The following MYLK4 variants were observed in gnomAD, a reference collection of about 807,000 sequenced individuals.
MYLK4 encodes caMLCK like.
A neutral mutation model predicts 48.1 loss-of-function variants in MYLK4; 46 were observed. The observed-to-expected ratio is 0.96, with a 90% CI of 0.75 to 1.22. MYLK4 has a LOEUF of 1.22. Among genes scored for constraint, MYLK4 ranks in the 50% most tolerant of loss-of-function variants. MYLK4 has a pLI of 0.00. For missense variants in MYLK4, 451 were observed against 486.1 expected (o/e 0.93, Z 0.68); for synonymous variants, 170 against 180.8 (o/e 0.94, Z 0.48).
At chr6:2,736,076 C>A (rs952562065) in intron 2 of MYLK4, among the ~76,000 whole-genome samples, 29 of 152,098 alleles carry the variant, frequency 1.9e-4, no homozygotes, top group African/African-American at 7.0e-4. Context: ...AACCAGCACG[C>A]CCCAAAGCAC....
At chr6:2,764,767 G>T in the MYLK4 span, among the ~76,000 whole-genome samples, 4 of 152,152 alleles carry the variant, frequency 2.6e-5, no homozygotes, top group Non-Finnish European at 5.9e-5. Context: ...GGCTCGAAGC[G>T]CGCTGTAGGT....
At chr6:2,750,221 G>T (rs1480276686) in intron 1 of MYLK4, among the ~76,000 whole-genome samples, 1 of 152,072 alleles carries the variant, frequency 6.6e-6, no homozygotes, top group Non-Finnish European at 1.5e-5. Flanking sequence ...CATTTTCTCC[G>T]CTTAAAAACC....
intron 2 of MYLK4, among the ~76,000 whole-genome samples, chr6:2,695,056 T>G (rs965256265): frequency 1.8e-4 from 28 of 152,158 alleles, no homozygotes; most frequent in African/African-American, 6.8e-4. Flanking sequence ...AGATAAATAT[T>G]TGTCGAAAGA....
chr6:2,676,414 A>G (rs1761085887), intron 10 of MYLK4, among the ~76,000 whole-genome samples: 1 of 152,208 alleles, frequency 6.6e-6, no homozygotes, highest in African/African-American at 2.4e-5. Context: ...AATTTTCAGT[A>G]CTGGATCTCC....
At chr6:2,722,871 A>C (rs1027951255) in intron 2 of MYLK4, among the ~76,000 whole-genome samples, 6 of 152,150 alleles carry the variant, frequency 3.9e-5, no homozygotes, top group African/African-American at 1.4e-4. Flanking sequence ...TCCTATATAT[A>C]ATGTTTTAAT....
chr6:2,685,180 G>T lies in MYLK4; in HGVS notation c.545+116C>A. On this transcript the variant is annotated intron_variant, in intron 6 of 12. Coordinates refer to ENST00000274643, the MANE Select transcript of MYLK4 (RefSeq NM_001012418.5). The surrounding 1 kb of genome is among the most constrained non-coding windows in gnomAD (Gnocchi z 4.5). ...GATTGTGTGATCCGCGCGAATCAGA[G>T]TCTGCGGGGGCGAGCTTGGTTCTGG... 1.4e-6 allele frequency: 1 copy of T among 726,270 alleles called. No individual in the cohort carries two copies. Among genetic ancestry groups the T allele is most frequent in the Non-Finnish European group, 2.5e-6 (1 of 401,280 alleles). The allele number at this position is 726,270 out of a possible 1,614,324, so 45.0% of individuals were successfully genotyped here. A position where few individuals can be genotyped will look rare whatever the true frequency, so the allele number is the denominator to read the frequency against.
At chr6:2,702,650 A>T (rs1009211806) in intron 2 of MYLK4, among the ~76,000 whole-genome samples, 3 of 152,222 alleles carry the variant, frequency 2.0e-5, no homozygotes, top group African/African-American at 7.2e-5. Flanking sequence ...GATTTTTAAC[A>T]TCCTCACCAC....
At chr6:2,765,193 C>CCT in the MYLK4 span, among the ~76,000 whole-genome samples, 3 of 84,296 alleles carry the variant, frequency 3.6e-5, no homozygotes, top group Non-Finnish European at 5.5e-5. Flanking sequence ...CCCCCCCCCC[C>CCT]GCCCCTCCCC....
chr6:2,766,134 ACGGCGATGGC>A, the MYLK4 span: 1 of 1,240,568 alleles, frequency 8.1e-7, no homozygotes. Context: ...GCCGTGGGCG[ACGGCGATGGC>A]GACGGGGACG....
At chr6:2,716,021 A>T (rs970399279) in intron 2 of MYLK4, among the ~76,000 whole-genome samples, 6 of 151,826 alleles carry the variant, frequency 4.0e-5, no homozygotes, top group African/African-American at 1.5e-4. Context: ...TCTGCTGCCT[A>T]TTTTTTTTTT....
chr6:2,765,186 C>T, the MYLK4 span, among the ~76,000 whole-genome samples: 4 of 102,360 alleles, frequency 3.9e-5, no homozygotes, highest in African/African-American at 9.6e-5. Context: ...CTCGCAACCC[C>T]CCCCCCCGCC....
chr6:2,677,145 TA>T (rs1446644140), intron 10 of MYLK4, among the ~76,000 whole-genome samples: 1 of 152,226 alleles, frequency 6.6e-6, no homozygotes, highest in Non-Finnish European at 1.5e-5. Flanking sequence ...ATCTTTGTGT[TA>T]ACCACATTTT....
the MYLK4 span, among the ~76,000 whole-genome samples, chr6:2,764,162 G>A: frequency 7.2e-5 from 11 of 152,122 alleles, no homozygotes; most frequent in African/African-American, 2.7e-4. Context: ...ATCCTCTTTT[G>A]GTAGTTTCAC....
chr6:2,710,309 C>T (rs1305968482), intron 2 of MYLK4, among the ~76,000 whole-genome samples: 1 of 152,194 alleles, frequency 6.6e-6, no homozygotes, highest in Non-Finnish European at 1.5e-5. Context: ...AGTTGTCCCA[C>T]AGAACTGATG....
intron 12 of MYLK4, among the ~76,000 whole-genome samples, chr6:2,670,678 A>G (rs1390589193): frequency 1.3e-5 from 2 of 152,146 alleles, no homozygotes; most frequent in African/African-American, 4.8e-5. Flanking sequence ...CACCTGAGCT[A>G]GGTGGAGGTC....
In MYLK4 at chr6:2,739,196, G is replaced by A. The variant is rs973844434; in HGVS notation, c.159+9940C>T. On this transcript the variant is annotated intron_variant, in intron 2 of 12. Transcript: ENST00000274643. ...CGGCCAGGCACAGTGGCTCACACCT[G>A]GAATCCCAACACTTTGGGAGGCCAA... Among the ~76,000 whole-genome samples the A allele has an allele frequency of 4.6e-5, 7 of 152,124 alleles. No homozygotes were observed. In the East Asian group the frequency reaches 5.8e-4, roughly 13 times the overall value.
At chr6:2,715,373 T>C (rs774206246) in intron 2 of MYLK4, among the ~76,000 whole-genome samples, 1 of 152,194 alleles carries the variant, frequency 6.6e-6, no homozygotes, top group Admixed American at 6.5e-5. Flanking sequence ...CATCATTGAA[T>C]TGGACACTTA....
chr6:2,669,522 G>C (rs575241957), intron 12 of MYLK4, among the ~76,000 whole-genome samples: 5 of 152,286 alleles, frequency 3.3e-5, no homozygotes, highest in Admixed American at 2.0e-4. Context: ...GAGTGGCTCC[G>C]GTCCTTATGG....
chr6:2,701,313 A>T (rs1408354754), intron 2 of MYLK4, among the ~76,000 whole-genome samples: 2 of 151,966 alleles, frequency 1.3e-5, no homozygotes, highest in Admixed American at 6.5e-5. Context: ...TCCCACTCTG[A>T]GCCTAAGTTC....
Sources: allele counts gnomAD v4.1 joint callset (sites outside exome capture counted in the v4.1 genomes callset), GRCh38; gene constraint gnomAD v4.1.1; non-coding constraint Gnocchi (gnomAD v3.1); transcripts MANE v1.5; gene names NCBI Gene and HGNC (gene_info 2026-07-23, HGNC 2026-07-21).